Variants in SYTL5 observed in about 807,000 individuals in gnomAD.
SYTL5 encodes the protein synaptotagmin-like protein 5.
Under a neutral mutation model 55.9 loss-of-function variants are expected in SYTL5, and 34 were observed. The ratio of observed to expected loss-of-function variants is 0.61; its 90% CI spans 0.46 to 0.81. The LOEUF is 0.81. Ranked by LOEUF, SYTL5 falls within the 30% of genes least tolerant of loss-of-function variation. The pLI is 0.00. For synonymous variants in SYTL5, 221 were observed against 188.7 expected (o/e 1.17, Z -1.40); for missense variants, 637 against 546.7 (o/e 1.17, Z -1.65).
chrX:37,896,012 A>C, the SYTL5 span, among the ~76,000 whole-genome samples: 1 of 112,491 alleles, frequency 8.9e-6, no homozygotes, highest in African/African-American at 3.2e-5. Context: ...GCATTCATTT[A>C]AATGTTCATG....
chrX:38,116,413 G>A (rs1277834250), intron 13 of SYTL5, among the ~76,000 whole-genome samples: 1 of 111,988 alleles, frequency 8.9e-6, no homozygotes. Context: ...TTCTGATATA[G>A]AGGCAATTAA....
At chrX:38,022,201 T>G (rs1262451843) in intron 1 of SYTL5, among the ~76,000 whole-genome samples, 2 of 112,155 alleles carry the variant, frequency 1.8e-5, no homozygotes, top group African/African-American at 6.5e-5. Context: ...AGACCTGCAC[T>G]GGTTTGCAAC....
the SYTL5 span, among the ~76,000 whole-genome samples, chrX:37,968,775 A>G: frequency 1.8e-5 from 2 of 111,968 alleles, no homozygotes; most frequent in Non-Finnish European, 3.8e-5. Flanking sequence ...CCCCCTGTGC[A>G]TTAGTGATTG....
At chrX:38,073,798 C>A in intron 5 of SYTL5, 100 bp downstream of exon 5, 1 of 478,969 alleles carries the variant, frequency 2.1e-6, no homozygotes, top group Non-Finnish European at 3.4e-6. Flanking sequence ...CTTCAATGAC[C>A]CAGAGGAGGT....
chrX:37,985,668 A>G, the SYTL5 span, among the ~76,000 whole-genome samples: 1 of 110,815 alleles, frequency 9.0e-6, no homozygotes, highest in Admixed American at 9.7e-5. Flanking sequence ...TTTTTTAGAA[A>G]TTCACAAGTG....
the SYTL5 span, among the ~76,000 whole-genome samples, chrX:37,993,043 C>G: frequency 2.8e-4 from 31 of 110,812 alleles, no homozygotes; most frequent in Middle Eastern, 4.6e-3. Context: ...GTATAAAATT[C>G]TTAATTGATT....
the SYTL5 span, among the ~76,000 whole-genome samples, chrX:37,905,995 G>A: frequency 8.8e-6 from 1 of 113,372 alleles, no homozygotes; most frequent in African/African-American, 3.2e-5. Context: ...AGAGGCGGAC[G>A]CCAAGCGCGT....
At chrX:38,002,926 A>G (rs370189288), upstream of SYTL5, among the ~76,000 whole-genome samples, 1 of 111,531 alleles carries the variant, frequency 9.0e-6, no homozygotes, top group Non-Finnish European at 1.9e-5. Context: ...GGTGTTTTAG[A>G]CATGAAGTCC....
intron 1 of SYTL5, among the ~76,000 whole-genome samples, chrX:38,022,603 C>A (rs1373967615): frequency 1.8e-5 from 2 of 112,020 alleles, no homozygotes; most frequent in Admixed American, 1.9e-4. Context: ...TCTACTACCT[C>A]CCTCTTGTAA....
chrX:38,104,472 A>C (rs1054248960), intron 10 of SYTL5, among the ~76,000 whole-genome samples: 4 of 111,889 alleles, frequency 3.6e-5, no homozygotes, highest in African/African-American at 1.3e-4. Context: ...TTTTAGGAAT[A>C]AGAAAGACAG....
chrX:37,905,440 G>C, the SYTL5 span, among the ~76,000 whole-genome samples: 1 of 107,226 alleles, frequency 9.3e-6, no homozygotes, highest in African/African-American at 3.4e-5. Context: ...TGTGTGTGTG[G>C]GGGGGGCGTG....
At chrX:37,968,984 T>G in the SYTL5 span, among the ~76,000 whole-genome samples, 2 of 112,043 alleles carry the variant, frequency 1.8e-5, no homozygotes, top group African/African-American at 6.5e-5. Context: ...AAATAGTTAA[T>G]TGGTTTTGCC....
the SYTL5 span, among the ~76,000 whole-genome samples, chrX:37,895,666 G>GT: frequency 9.2e-6 from 1 of 108,509 alleles, no homozygotes; most frequent in Non-Finnish European, 1.9e-5. Flanking sequence ...GTGGAGGATG[G>GT]TTAGGGAAAA....
At position 38,053,803 on chromosome X, in the gene SYTL5, A is replaced by T. The variant is rs558641318; in HGVS notation, c.120-410A>T. On this transcript the variant is annotated intron_variant, in intron 2 of 16. Coordinates refer to ENST00000297875, the MANE Select transcript of SYTL5 (RefSeq NM_138780.3). ...TTATGGTATCAAAGATATCCTAGAG[A>T]AGTTACAGTAGAATGAGAATAAATA... Among the ~76,000 whole-genome samples the T allele has an allele frequency of 9.8e-5, 11 of 112,247 alleles. No individual in the cohort carries two copies. The South Asian group carries it at 4.1e-3, about 42-fold the overall frequency.
At chrX:38,108,375 T>C (rs1381211415) in intron 11 of SYTL5, among the ~76,000 whole-genome samples, 1 of 111,507 alleles carries the variant, frequency 9.0e-6, no homozygotes, top group Non-Finnish European at 1.9e-5. Flanking sequence ...ACCAGGTGGC[T>C]TGACTTCAGA....
At chrX:37,909,144 G>GCACA in the SYTL5 span, among the ~76,000 whole-genome samples, 1 of 108,780 alleles carries the variant, frequency 9.2e-6, no homozygotes, top group Non-Finnish European at 1.9e-5. Context: ...ATGGTCCCTA[G>GCACA]CACACACACA....
At chrX:38,053,745 T>G (rs1030673271) in intron 2 of SYTL5, among the ~76,000 whole-genome samples, 1 of 112,186 alleles carries the variant, frequency 8.9e-6, no homozygotes, top group Non-Finnish European at 1.9e-5. Flanking sequence ...AGGTACTGTG[T>G]ATGCCTGTAA....
chrX:38,049,732 T>C (rs376583322), intron 2 of SYTL5, among the ~76,000 whole-genome samples: 3 of 112,183 alleles, frequency 2.7e-5, no homozygotes, highest in African/African-American at 6.5e-5. Flanking sequence ...TATAGCTAGA[T>C]GTTCCACTAA....
chrX:38,038,026 A>T (rs528073676), intron 2 of SYTL5, among the ~76,000 whole-genome samples: 1 of 111,147 alleles, frequency 9.0e-6, no homozygotes, highest in South Asian at 3.8e-4. Context: ...GAAGACAGGG[A>T]GAGAAAATTC....
Sources: allele counts gnomAD v4.1 joint callset (sites outside exome capture counted in the v4.1 genomes callset), GRCh38; gene constraint gnomAD v4.1.1; transcripts MANE v1.5; gene names NCBI Gene and HGNC (gene_info 2026-07-23, HGNC 2026-07-21).